The following HECW2 variants were observed in gnomAD, a reference collection of about 807,000 sequenced individuals.
HECW2 encodes E3 ubiquitin-protein ligase HECW2.
A neutral mutation model predicts 175.2 loss-of-function variants in HECW2; 61 were observed. The observed-to-expected ratio is 0.35, with a 90% CI of 0.28 to 0.43. HECW2 has a LOEUF of 0.43. HECW2 is among the 20% of genes least tolerant of loss of function. The pLI is 1.00. For synonymous variants in HECW2, 671 were observed against 731.0 expected, an observed-to-expected ratio of 0.92 and a Z score of 1.32; for missense variants, 1,524 against 2,000.5, an observed-to-expected ratio of 0.76 and a Z score of 4.54.
intron 2 of HECW2, among the ~76,000 whole-genome samples, chr2:196,390,864 T>C (rs1480773382): frequency 2.6e-5 from 4 of 152,180 alleles, no homozygotes; most frequent in Non-Finnish European, 5.9e-5. Flanking sequence ...AAGAGGACTT[T>C]CTGTTTTGAG....
At chr2:196,317,072 C>T (rs887328263) in intron 10 of HECW2, 1 of 509,992 alleles carries the variant, frequency 2.0e-6, no homozygotes, top group Non-Finnish European at 3.5e-6. Flanking sequence ...TTTACAGCTG[C>T]CCTTTCTTTC....
At chr2:196,386,653 G>C (rs1038801752) in intron 2 of HECW2, among the ~76,000 whole-genome samples, 1 of 152,088 alleles carries the variant, frequency 6.6e-6, no homozygotes, top group African/African-American at 2.4e-5. Context: ...CAAAATGAAG[G>C]CCTCAGGGAC....
At chr2:196,367,321 G>A (rs1006329371) in intron 2 of HECW2, among the ~76,000 whole-genome samples, 50 of 152,140 alleles carry the variant, frequency 3.3e-4, no homozygotes, top group Non-Finnish European at 6.3e-4. Flanking sequence ...TATAGGATGG[G>A]TCTTAGGCGT....
chr2:196,433,091 T>C, intron 2 of HECW2, 41 bp downstream of exon 2: 4 of 1,533,754 alleles, frequency 2.6e-6, no homozygotes, highest in African/African-American at 2.8e-5. Context: ...TAAAAACTTG[T>C]ATGCTCTGAG....
At chr2:196,566,534 C>CT (rs397942390) in intron 1 of HECW2, among the ~76,000 whole-genome samples, 5,766 of 139,484 alleles carry the variant, frequency 0.041, 387 homozygotes, top group African/African-American at 0.14. Context: ...TTTTCTTTTT[C>CT]TTTTTTTTTT....
At chr2:196,271,421 T>C (rs894729190) in intron 16 of HECW2, 132 bp from the exon 17 acceptor site, 9 of 625,186 alleles carry the variant, frequency 1.4e-5, no homozygotes, top group Non-Finnish European at 2.3e-5. Context: ...GTAGCTGGGA[T>C]TATAGGTGCC....
chr2:196,200,706 G>T lies in HECW2; in HGVS notation c.*571C>A, dbSNP rs1686827624. 1 of 152,546 alleles carries T rather than the reference G, an allele frequency of 6.6e-6. No homozygotes were observed. The highest frequency in any genetic ancestry group is 6.5e-5 in the Admixed American group (1 of 15,270). 9.4% of individuals were successfully genotyped at this position (152,546 alleles called of 1,614,324 possible). ...ACCATCTTATTGCAAATCTGTAAAG[G>T]TACCTCATATTGACTTGGTTTCATT... On this transcript the variant is annotated 3_prime_UTR_variant, in exon 29 of 29. Coordinates refer to ENST00000644978, the MANE Select transcript of HECW2 (RefSeq NM_001348768.2).
chr2:196,521,888 G>C (rs1391255910), intron 1 of HECW2, among the ~76,000 whole-genome samples: 2 of 150,634 alleles, frequency 1.3e-5, no homozygotes, highest in African/African-American at 2.5e-5. Flanking sequence ...ATCATTGTTG[G>C]ACATTTGGGT....
chr2:196,247,895 T>C (rs973708174), intron 19 of HECW2, among the ~76,000 whole-genome samples: 2 of 152,174 alleles, frequency 1.3e-5, no homozygotes, highest in Non-Finnish European at 2.9e-5. Context: ...CATGCCTCTG[T>C]CCTGGGACAG....
intron 2 of HECW2, among the ~76,000 whole-genome samples, chr2:196,373,631 A>G (rs532215908): frequency 6.6e-6 from 1 of 152,360 alleles, no homozygotes; most frequent in East Asian, 1.9e-4. Flanking sequence ...CTCAAACTTA[A>G]AAAAAGCTAT....
rs535725326 is a variant in HECW2, at chr2:196,577,972, T to C, written c.-36+15536A>G. Among the ~76,000 whole-genome samples, 14 of 152,236 alleles carry C rather than the reference T, an allele frequency of 9.2e-5. No individual in the cohort carries two copies. The South Asian group carries it at 2.9e-3, about 32-fold the overall frequency. The stretch of plus-strand genomic sequence containing the variant: ...CACTTTTCAACAGACTTACAAGACA[T>C]ACAAATAAACAGTAAAGCATGGCCC... On this transcript the variant is annotated intron_variant, in intron 1 of 28. Transcript: ENST00000644978.
chr2:196,425,774 T>C (rs1011327599), intron 2 of HECW2, among the ~76,000 whole-genome samples: 5 of 152,138 alleles, frequency 3.3e-5, no homozygotes, highest in Admixed American at 2.0e-4. Flanking sequence ...GCTGTGAACA[T>C]TGTTAAAATT....
chr2:196,526,737 C>T (rs933666518), intron 1 of HECW2, among the ~76,000 whole-genome samples: 21 of 148,938 alleles, frequency 1.4e-4, no homozygotes, highest in African/African-American at 5.3e-4. Flanking sequence ...ATACCCTGCC[C>T]TGTGAGGTGT....
chr2:196,466,608 A>C (rs1169021755), intron 1 of HECW2, among the ~76,000 whole-genome samples: 3 of 152,378 alleles, frequency 2.0e-5, no homozygotes, highest in South Asian at 4.1e-4. Flanking sequence ...GTTGGCCAGC[A>C]GGAATTCAGA....
At chr2:196,322,861 C>T (rs1392831969) in intron 6 of HECW2, among the ~76,000 whole-genome samples, 2 of 152,218 alleles carry the variant, frequency 1.3e-5, no homozygotes, top group East Asian at 3.8e-4. Flanking sequence ...GTCAATCATG[C>T]AGCCCTTCCT....
intron 1 of HECW2, among the ~76,000 whole-genome samples, chr2:196,515,723 T>G (rs1049198232): frequency 1.3e-5 from 2 of 152,208 alleles, no homozygotes; most frequent in African/African-American, 2.4e-5. Context: ...TGGATAAAAG[T>G]GGAAAGTTAA....
intron 8 of HECW2, among the ~76,000 whole-genome samples, 166 bp downstream of exon 8, chr2:196,320,173 C>T (rs1352056099): frequency 1.1e-4 from 17 of 152,182 alleles, no homozygotes; most frequent in Admixed American, 1.1e-3. Context: ...GGCAAACAGC[C>T]TTTCCTACTT....
intron 2 of HECW2, among the ~76,000 whole-genome samples, chr2:196,364,204 T>C (rs1254121753): frequency 6.6e-6 from 1 of 152,242 alleles, no homozygotes; most frequent in Non-Finnish European, 1.5e-5. Context: ...ACCTGCGCTC[T>C]AGGTTCTGGA....
chr2:196,561,013 G>A (rs1016936399), intron 1 of HECW2, among the ~76,000 whole-genome samples: 3 of 152,190 alleles, frequency 2.0e-5, no homozygotes, highest in Admixed American at 6.5e-5. Flanking sequence ...GGATAACAGC[G>A]ATGTTCAGGG....
Sources: gnomAD v4.1 joint callset for allele counts (sites outside exome capture counted in the v4.1 genomes callset) on GRCh38, gnomAD v4.1.1 for gene constraint, MANE v1.5 for transcripts, NCBI Gene and HGNC (gene_info 2026-07-23, HGNC 2026-07-21) for gene names.